HMGA2: variants seen among roughly 807,000 people sequenced by gnomAD.
HMGA2 encodes high mobility group protein HMGI-C.
HMGA2 carries 8 observed loss-of-function variants against 19.1 expected under a neutral mutation model. The ratio of observed to expected loss-of-function variants is 0.42; its 90% CI spans 0.25 to 0.76. The LOEUF is 0.76. Among genes scored for constraint, HMGA2 ranks in the 30% least tolerant of loss-of-function variants. The pLI is 0.28. For synonymous variants in HMGA2, 60 were observed against 48.8 expected (o/e 1.23, Z -0.96); for missense variants, 109 against 136.3 (o/e 0.80, Z 1.00).
At chr12:65,921,886 C>G (rs1283505081) in intron 3 of HMGA2, among the ~76,000 whole-genome samples, 1 of 152,338 alleles carries the variant, frequency 6.6e-6, no homozygotes, top group East Asian at 1.9e-4. Flanking sequence ...TGCAAGGAAC[C>G]AACGTACAGC....
In HMGA2 at chr12:65,824,542, T is replaced by C; in HGVS notation, c.-729T>C. On this transcript the variant is annotated 5_prime_UTR_variant, in exon 1 of 5. Coordinates refer to ENST00000403681, the MANE Select transcript of HMGA2 (RefSeq NM_003483.6). ...GCAAGACTCAGGAGCTAGCAGCCCGTCCCCCTCCGACTCTCCGGTGCCGCC... is the reference window on the plus strand; with the variant it reads ...GCAAGACTCAGGAGCTAGCAGCCCGCCCCCCTCCGACTCTCCGGTGCCGCC... The C allele has an allele frequency of 4.3e-6, 1 of 231,816 alleles. No individual in the cohort carries two copies. The allele number at this position is 231,816 out of a possible 1,614,324, so 14.4% of individuals were successfully genotyped here. A position where few individuals can be genotyped will look rare whatever the true frequency, so the allele number is the denominator to read the frequency against.
intron 3 of HMGA2, among the ~76,000 whole-genome samples, chr12:65,873,552 A>C (rs1319860163): frequency 6.6e-6 from 1 of 152,222 alleles, no homozygotes; most frequent in African/African-American, 2.4e-5. Flanking sequence ...AGTGAACCAC[A>C]TATATTATAC....
At chr12:65,829,510 C>A (rs1362326332) in intron 2 of HMGA2, among the ~76,000 whole-genome samples, 1 of 151,838 alleles carries the variant, frequency 6.6e-6, no homozygotes, top group African/African-American at 2.4e-5. Flanking sequence ...GTGGAGTTTA[C>A]CTAATTTACT....
chr12:65,948,992 CAT>C (rs1260687432), intron 3 of HMGA2, among the ~76,000 whole-genome samples: 2 of 152,234 alleles, frequency 1.3e-5, no homozygotes, highest in South Asian at 2.1e-4. Context: ...TGGGAGTAAA[CAT>C]GTGTACAGGT....
At chr12:65,950,078 T>A (rs190357485) in intron 3 of HMGA2, among the ~76,000 whole-genome samples, 1 of 152,228 alleles carries the variant, frequency 6.6e-6, no homozygotes, top group African/African-American at 2.4e-5. Context: ...TACGGAGCAA[T>A]TGGAACTCCA....
intron 3 of HMGA2, among the ~76,000 whole-genome samples, chr12:65,930,412 A>G (rs1170992355): frequency 6.6e-6 from 1 of 152,198 alleles, no homozygotes; most frequent in Non-Finnish European, 1.5e-5. Flanking sequence ...AGCCCAACTC[A>G]AGTGGGCTGG....
chr12:65,892,464 A>G (rs551841327), intron 3 of HMGA2, among the ~76,000 whole-genome samples: 5 of 152,254 alleles, frequency 3.3e-5, no homozygotes, highest in African/African-American at 9.6e-5. Flanking sequence ...GTTTTTAATT[A>G]ATTAACACCA....
intron 3 of HMGA2, among the ~76,000 whole-genome samples, chr12:65,844,860 C>T (rs1871169783): frequency 6.6e-6 from 1 of 152,180 alleles, no homozygotes; most frequent in Non-Finnish European, 1.5e-5. Context: ...GTGGCAAATT[C>T]TAGACAGGAG....
At position 65,964,892 on chromosome 12, in the gene HMGA2, A is replaced by C. The variant is rs922102920; in HGVS notation, c.*1600A>C. ...CACAAGATTTGACTGTAATATTTAAATATTACCCTCCAAGTCTGTACCTCA... is the reference window on the plus strand; with the variant it reads ...CACAAGATTTGACTGTAATATTTAACTATTACCCTCCAAGTCTGTACCTCA... On this transcript the variant is annotated 3_prime_UTR_variant, in exon 5 of 5. Coordinates refer to ENST00000403681, the MANE Select transcript of HMGA2 (RefSeq NM_003483.6). 3 of 191,418 alleles carry C rather than the reference A, an allele frequency of 1.6e-5. No homozygotes were observed. The highest frequency in any genetic ancestry group is 7.0e-5 in the African/African-American group (3 of 43,026). 11.9% of individuals were successfully genotyped at this position (191,418 alleles called of 1,614,324 possible). A position where few individuals can be genotyped will look rare whatever the true frequency, so the allele number is the denominator to read the frequency against.
At chr12:65,842,632 G>A in intron 3 of HMGA2, 1 of 1,535,482 alleles carries the variant, frequency 6.5e-7, no homozygotes, top group African/African-American at 1.4e-5. Context: ...TCTTCCAATA[G>A]CAGAGATTTG....
At chr12:65,881,466 C>T in intron 3 of HMGA2, 1 of 507,766 alleles carries the variant, frequency 2.0e-6, no homozygotes, top group East Asian at 3.0e-5. Context: ...AAAAAAAACC[C>T]TTAAAGGATT....
chr12:65,838,603 T>TAGG, intron 3 of HMGA2, 34 bp downstream of exon 3: 1 of 1,499,346 alleles, frequency 6.7e-7, no homozygotes, highest in Non-Finnish European at 9.2e-7. Flanking sequence ...CTTCTTTTTT[T>TAGG]TAAAGAAAAA....
At chr12:65,870,592 T>A (rs1357578381) in intron 3 of HMGA2, among the ~76,000 whole-genome samples, 3 of 152,090 alleles carry the variant, frequency 2.0e-5, no homozygotes, top group Non-Finnish European at 4.4e-5. Context: ...TAGCCAGGCG[T>A]GGTGGCACAT....
chr12:65,842,642 G>T (rs1871051064), intron 3 of HMGA2: 2 of 1,534,666 alleles, frequency 1.3e-6, no homozygotes, highest in Non-Finnish European at 1.7e-6. Context: ...GCAGAGATTT[G>T]GTGTCATGTG....
chr12:65,825,252 A>G lies in HMGA2; in HGVS notation c.-19A>G. 6.6e-7 allele frequency: 1 copy of G among 1,522,930 alleles called. No individual in the cohort carries two copies. Among genetic ancestry groups the G allele is most frequent in the Non-Finnish European group, 8.8e-7 (1 of 1,139,380 alleles). 94.3% of individuals were successfully genotyped at this position (1,522,930 alleles called of 1,614,324 possible). ...GAGGCGAAGCGGCTGCAGCGGCGGT[A>G]GCGGCGGCGGGAGGCAGGATGAGCG... On this transcript the variant is annotated 5_prime_UTR_variant, in exon 1 of 5. Transcript: ENST00000403681. This position sits in a 1 kb window ranked among gnomAD's most constrained non-coding sequence, Gnocchi z 4.4.
intron 3 of HMGA2, among the ~76,000 whole-genome samples, chr12:65,854,843 A>C (rs1871652616): frequency 6.6e-6 from 1 of 152,180 alleles, no homozygotes; most frequent in Non-Finnish European, 1.5e-5. Context: ...TGACTGTAGG[A>C]ATGTGGGGAG....
At chr12:65,938,953 G>C (rs1282178919) in intron 3 of HMGA2, among the ~76,000 whole-genome samples, 2 of 152,098 alleles carry the variant, frequency 1.3e-5, no homozygotes, top group Admixed American at 1.3e-4. Context: ...CCAAATCTAA[G>C]AGTCATGTCC....
intron 3 of HMGA2, chr12:65,857,167 T>A (rs1372850174): frequency 6.6e-6 from 1 of 152,240 alleles, no homozygotes; most frequent in Non-Finnish European, 1.5e-5. Context: ...ATTTATAGAC[T>A]GCTTTTGGTG....
chr12:65,838,856 G>A (rs1870856295), intron 3 of HMGA2, among the ~76,000 whole-genome samples: 1 of 152,070 alleles, frequency 6.6e-6, no homozygotes, highest in South Asian at 2.1e-4. Flanking sequence ...GAGATGATTT[G>A]TTCAGTAGAT....
Sources: allele counts gnomAD v4.1 joint callset (sites outside exome capture counted in the v4.1 genomes callset), GRCh38; gene constraint gnomAD v4.1.1; non-coding constraint Gnocchi (gnomAD v3.1); transcripts MANE v1.5; gene names NCBI Gene and HGNC (gene_info 2026-07-23, HGNC 2026-07-21).